MTMR14: variants seen among roughly 807,000 people sequenced by gnomAD.
The protein encoded by MTMR14 is phosphatidylinositol-3,5-bisphosphate 3-phosphatase MTMR14.
Under a neutral mutation model 86.3 loss-of-function variants are expected in MTMR14, and 48 were observed. The observed-to-expected ratio is 0.56, with a 90% CI of 0.44 to 0.71. MTMR14 has a LOEUF of 0.71. Among genes scored for constraint, MTMR14 ranks in the 30% least tolerant of loss-of-function variants. The pLI, the probability that MTMR14 is intolerant of heterozygous loss-of-function variation, is 0.00. For synonymous variants in MTMR14, 366 were observed against 326.1 expected (o/e 1.12, Z -1.32); for missense variants, 780 against 834.6 (o/e 0.93, Z 0.81).
rs946909416 is a variant in MTMR14, at chr3:9,668,768, G to A, written c.467G>A (p.Arg156His). The A allele has an allele frequency of 6.2e-6, 10 of 1,614,114 alleles. No individual in the cohort carries two copies. Among genetic ancestry groups the A allele is most frequent in the Non-Finnish European group, 8.5e-6 (10 of 1,180,006 alleles). ...GCTGGATGGGGAGAGCTGTATGGACGCTCAGGCTACAACTATTTTTTCTCA... is the reference window on the plus strand; with the variant it reads ...GCTGGATGGGGAGAGCTGTATGGACACTCAGGCTACAACTATTTTTTCTCA... The part of the protein sequence containing the change: ...TLAGWGELYG[R>H]SGYNYFFSGG... Residue 156 changes from arginine to histidine, a missense_variant, in exon 4 of 19, where the codon CGC becomes CAC. By Grantham distance (29) the Arg-to-His change is conservative. Coordinates refer to ENST00000296003, the MANE Select transcript of MTMR14 (RefSeq NM_001077525.3).
intron 3 of MTMR14, among the ~76,000 whole-genome samples, chr3:9,662,962 T>G (rs2048025881): frequency 6.6e-6 from 1 of 152,164 alleles, no homozygotes; most frequent in African/African-American, 2.4e-5. Context: ...TCATTGCAGA[T>G]GAAACAGAGG....
intron 17 of MTMR14, among the ~76,000 whole-genome samples, chr3:9,693,866 C>G (rs1211414513): frequency 1.3e-5 from 2 of 152,216 alleles, no homozygotes; most frequent in African/African-American, 4.8e-5. Flanking sequence ...TAAGGAACAA[C>G]TGTATATGGA....
intron 17 of MTMR14, among the ~76,000 whole-genome samples, chr3:9,694,865 G>A (rs1054709948): frequency 6.6e-6 from 1 of 152,238 alleles, no homozygotes; most frequent in African/African-American, 2.4e-5. Context: ...AGCTCTGGGT[G>A]CTGTGAAGAG....
chr3:9,665,792 G>T (rs543758215), intron 3 of MTMR14, among the ~76,000 whole-genome samples: 1 of 148,186 alleles, frequency 6.7e-6, no homozygotes, highest in East Asian at 2.0e-4. Context: ...GCAGTGGCGC[G>T]ATCTCAGCTC....
At chr3:9,687,762 C>T in intron 13 of MTMR14, 59 bp from the exon 14 acceptor site, 1 of 1,474,278 alleles carries the variant, frequency 6.8e-7, no homozygotes, top group Non-Finnish European at 9.3e-7. Context: ...GCCGCCCTCC[C>T]CTGGGAGTTC....
intron 2 of MTMR14, among the ~76,000 whole-genome samples, chr3:9,655,461 C>CTTTTTTTT (rs779901219): frequency 1.7e-5 from 1 of 59,320 alleles, no homozygotes; most frequent in Non-Finnish European, 3.2e-5. Context: ...CCCTTGATGT[C>CTTTTTTTT]TTTTTTTTTT....
intron 2 of MTMR14, among the ~76,000 whole-genome samples, chr3:9,654,654 G>A (rs542719739): frequency 1.4e-4 from 21 of 152,360 alleles, no homozygotes; most frequent in Non-Finnish European, 2.8e-4. Flanking sequence ...CACTATCTGT[G>A]AAATCCTGGC....
At chr3:9,654,466 CAG>C (rs1234532396) in intron 2 of MTMR14, among the ~76,000 whole-genome samples, 1 of 152,198 alleles carries the variant, frequency 6.6e-6, no homozygotes, top group African/African-American at 2.4e-5. Context: ...AGAGCAGACA[CAG>C]AATGCTTGGT....
In MTMR14 at chr3:9,653,628, G is replaced by A. The variant is rs544683917; in HGVS notation, c.167G>A (p.Arg56His). The A allele has an allele frequency of 1.7e-5, 27 of 1,614,074 alleles. No homozygotes were observed. The East Asian group carries it at 2.5e-4, about 15-fold the overall frequency. ...GTCTCCTTCTCTGTGCAGGTTGAGC[G>A]CATTGAGAAGAGATGTCTGGAGCTG... is the stretch of plus-strand genomic sequence containing the variant. ...GSGTGGSKVE[R>H]IEKRCLELFG... The change falls in exon 2 of 19, where the codon CGC (arginine) becomes CAC (histidine). Residue 56 changes from arginine to histidine, a missense_variant. Transcript: ENST00000296003.
intron 2 of MTMR14, among the ~76,000 whole-genome samples, chr3:9,659,225 G>C (rs1020477959): frequency 6.6e-6 from 1 of 152,052 alleles, no homozygotes; most frequent in African/African-American, 2.4e-5. Context: ...GGAAGACCTT[G>C]TTGGGAAAAA....
chr3:9,701,823 G>T lies in MTMR14; in HGVS notation c.1803G>T (p.Leu601=). 6.2e-7 allele frequency: 1 copy of T among 1,613,800 alleles called. No homozygotes were observed. Among genetic ancestry groups the T allele is most frequent in the Admixed American group, 1.7e-5 (1 of 60,036 alleles). ...CCCTGAGTGATCGAGAGACTCGGCT[G>T]CAGGAGGTGCGCTCAGCCTTCTTGG... ...LAALSDRETR[L]QEVRSAFLAA... The change falls in exon 19 of 19, where the codon CTG becomes CTT. Residue 601 remains leucine (L), a synonymous_variant. Transcript: ENST00000296003. The surrounding 1 kb of genome is among the most constrained non-coding windows in gnomAD (Gnocchi z 4.2).
intron 1 of MTMR14, among the ~76,000 whole-genome samples, chr3:9,652,065 C>T (rs147033327): frequency 7.9e-5 from 12 of 152,172 alleles, no homozygotes; most frequent in East Asian, 3.9e-4. Context: ...CTCTTGAACT[C>T]GTGATCTGCC....
At position 9,690,121 on chromosome 3, in the gene MTMR14, C is replaced by G. The variant is rs184298207; in HGVS notation, c.1591C>G (p.Pro531Ala). Residue 531 changes from proline to alanine, a missense_variant, in exon 17 of 19, where the codon CCC (proline) becomes GCC (alanine). Physicochemically the swap from Pro to Ala is conservative, Grantham distance 27 (BLOSUM62 -1). Coordinates refer to ENST00000296003, the MANE Select transcript of MTMR14 (RefSeq NM_001077525.3). ...TAACTTTTTCAGGATGGGTAGCAGT[C>G]CCCTGGAGGTCCCCAAACCCAGGTG... ...SDNFFRMGSS[P>A]LEVPKPRSVD... 6.6e-5 allele frequency: 107 copies of G among 1,613,778 alleles called. No homozygotes were observed. In the East Asian group the frequency reaches 2.0e-3, roughly 31 times the overall value.
intron 2 of MTMR14, among the ~76,000 whole-genome samples, chr3:9,660,553 G>A (rs1473275151): frequency 1.3e-5 from 2 of 152,038 alleles, no homozygotes; most frequent in South Asian, 2.1e-4. Flanking sequence ...GAGCCACCAC[G>A]CCTGGCCCCT....
At chr3:9,653,932 G>C in intron 2 of MTMR14, 163 bp downstream of exon 2, 1 of 922,168 alleles carries the variant, frequency 1.1e-6, no homozygotes, top group South Asian at 1.4e-5. Flanking sequence ...AGACTGGCAA[G>C]GTGGCATGGC....
intron 6 of MTMR14, among the ~76,000 whole-genome samples, chr3:9,672,249 C>CT (rs2048605187): frequency 6.6e-6 from 1 of 151,942 alleles, no homozygotes; most frequent in Non-Finnish European, 1.5e-5. Flanking sequence ...AGGTAGAGTT[C>CT]TTTTTTTGAC....
At chr3:9,665,426 C>T (rs898430710) in intron 3 of MTMR14, among the ~76,000 whole-genome samples, 1 of 151,906 alleles carries the variant, frequency 6.6e-6, no homozygotes, top group Non-Finnish European at 1.5e-5. Context: ...ATAGCGGGTA[C>T]GCATGGTCAT....
At chr3:9,678,157 T>C in intron 9 of MTMR14, 99 bp downstream of exon 9, 3 of 1,241,072 alleles carry the variant, frequency 2.4e-6, no homozygotes, top group Non-Finnish European at 3.5e-6. Flanking sequence ...GTTTGCCTGA[T>C]GGGCTGGCTT....
intron 14 of MTMR14, 103 bp from the exon 15 acceptor site, chr3:9,688,593 C>G: frequency 1.5e-6 from 2 of 1,355,070 alleles, no homozygotes; most frequent in Non-Finnish European, 2.1e-6. Context: ...CCACAAGTTG[C>G]CAGTGAATTG....
Sources: gnomAD v4.1 joint callset for allele counts (sites outside exome capture counted in the v4.1 genomes callset) on GRCh38, gnomAD v4.1.1 for gene constraint, Gnocchi (gnomAD v3.1) non-coding constraint, MANE v1.5 for transcripts, NCBI Gene and HGNC (gene_info 2026-07-23, HGNC 2026-07-21) for gene names.